The following CLSTN2 variants were observed in gnomAD, a reference collection of about 807,000 sequenced individuals.
The protein encoded by CLSTN2 is calsyntenin-2.
A neutral mutation model predicts 101.2 loss-of-function variants in CLSTN2; 48 were observed. That is an observed-to-expected ratio of 0.47 (90% CI 0.38 to 0.60). CLSTN2 has a LOEUF of 0.60. Among genes scored for constraint, CLSTN2 ranks in the 20% least tolerant of loss-of-function variants. The pLI is 0.00. For synonymous variants in CLSTN2, 481 were observed against 463.6 expected, an observed-to-expected ratio of 1.04 and a Z score of -0.48; for missense variants, 1,160 against 1,238.2, an observed-to-expected ratio of 0.94 and a Z score of 0.95.
intron 2 of CLSTN2, among the ~76,000 whole-genome samples, chr3:140,333,444 C>A (rs1290145828): frequency 6.6e-6 from 1 of 152,132 alleles, no homozygotes; most frequent in African/African-American, 2.4e-5. Flanking sequence ...TTCCATGGCT[C>A]TCCACTCTAG....
rs143110288 is a variant in CLSTN2, at chr3:140,408,332, G to A, written c.637+3566G>A. On this transcript the variant is annotated intron_variant, in intron 4 of 16. Transcript: ENST00000458420. ...CCACCCCATATAGCTAGGGAGATCA[G>A]CATGGCTGAGACATTTGGAGACATC... Among the ~76,000 whole-genome samples, 15 of 152,264 alleles carry A rather than the reference G, an allele frequency of 9.9e-5. No individual in the cohort carries two copies. The East Asian group carries it at 2.9e-3, about 29-fold the overall frequency.
intron 2 of CLSTN2, among the ~76,000 whole-genome samples, chr3:140,198,510 T>C (rs894550882): frequency 6.6e-6 from 1 of 152,180 alleles, no homozygotes; most frequent in African/African-American, 2.4e-5. Flanking sequence ...AATTCAGTTC[T>C]TTATTGTCCT....
At chr3:140,060,892 C>T (rs2008192914) in intron 1 of CLSTN2, among the ~76,000 whole-genome samples, 1 of 152,130 alleles carries the variant, frequency 6.6e-6, no homozygotes, top group Non-Finnish European at 1.5e-5. Context: ...AGATCTTGTG[C>T]CAAGCCAAGC....
At chr3:140,490,109 TATATATATACACACACACAC>T (rs1934321555) in intron 8 of CLSTN2, among the ~76,000 whole-genome samples, 1 of 7,488 alleles carries the variant, frequency 1.3e-4, no homozygotes, top group African/African-American at 7.0e-4. Context: ...TATATATATA[TATATATATACACACACACAC>T]ACACACACAC....
chr3:140,024,906 A>C (rs913417825), intron 1 of CLSTN2, among the ~76,000 whole-genome samples: 2 of 152,236 alleles, frequency 1.3e-5, no homozygotes, highest in Non-Finnish European at 2.9e-5. Context: ...CTTTTGTTAA[A>C]TGAATGTATA....
intron 8 of CLSTN2, among the ~76,000 whole-genome samples, chr3:140,488,684 C>T (rs921146375): frequency 7.5e-6 from 1 of 133,460 alleles, no homozygotes; most frequent in African/African-American, 2.9e-5. Context: ...TACTTCATAC[C>T]AGTCACTGGA....
intron 2 of CLSTN2, among the ~76,000 whole-genome samples, chr3:140,190,438 CAAAAAAA>C (rs35206840): frequency 0.025 from 2,087 of 82,972 alleles, 51 homozygotes; most frequent in African/African-American, 0.079. Flanking sequence ...TCTATAGCTA[CAAAAAAA>C]AAAAAAAAAA....
chr3:140,334,539 T>C (rs2087421927), intron 2 of CLSTN2, among the ~76,000 whole-genome samples: 1 of 152,194 alleles, frequency 6.6e-6, no homozygotes, highest in African/African-American at 2.4e-5. Context: ...GAGTCACAGA[T>C]GGAAGGACAG....
intron 2 of CLSTN2, among the ~76,000 whole-genome samples, chr3:140,315,650 G>C (rs1479556637): frequency 6.6e-6 from 1 of 152,186 alleles, no homozygotes; most frequent in Non-Finnish European, 1.5e-5. Flanking sequence ...AAGATTAAAA[G>C]GTTCAGGTGT....
intron 6 of CLSTN2, among the ~76,000 whole-genome samples, chr3:140,457,640 G>T (rs1933436895): frequency 6.6e-6 from 1 of 152,214 alleles, no homozygotes; most frequent in South Asian, 2.1e-4. Context: ...GCAGCAGGGG[G>T]TGAGAACAGG....
At chr3:140,169,595 A>G (rs2010182615) in intron 1 of CLSTN2, among the ~76,000 whole-genome samples, 1 of 152,142 alleles carries the variant, frequency 6.6e-6, no homozygotes, top group Non-Finnish European at 1.5e-5. Flanking sequence ...GATATTAGCT[A>G]TAGGTTTTTG....
At chr3:140,235,844 G>A (rs2086412021) in intron 2 of CLSTN2, among the ~76,000 whole-genome samples, 1 of 152,144 alleles carries the variant, frequency 6.6e-6, no homozygotes, top group African/African-American at 2.4e-5. Flanking sequence ...TTTGTGGGAA[G>A]GGAGAAAATG....
At chr3:140,479,951 CT>C (rs59974749) in intron 8 of CLSTN2, among the ~76,000 whole-genome samples, 13,192 of 149,322 alleles carry the variant, frequency 0.088, 733 homozygotes, top group Non-Finnish European at 0.13. Flanking sequence ...AAGATAAACT[CT>C]TTTTTTTTTA....
At chr3:140,547,934 A>T (rs1935630659) in intron 10 of CLSTN2, among the ~76,000 whole-genome samples, 1 of 152,202 alleles carries the variant, frequency 6.6e-6, no homozygotes, top group Non-Finnish European at 1.5e-5. Flanking sequence ...GTCCTTGGCC[A>T]TTTCCCCAGA....
chr3:140,061,191 T>C (rs551065122), intron 1 of CLSTN2, among the ~76,000 whole-genome samples: 1 of 152,342 alleles, frequency 6.6e-6, no homozygotes, highest in South Asian at 2.1e-4. Flanking sequence ...AATCAACTTC[T>C]ATTTTGCAAC....
chr3:140,380,052 T>C (rs913641593), intron 2 of CLSTN2, among the ~76,000 whole-genome samples: 1 of 151,962 alleles, frequency 6.6e-6, no homozygotes, highest in Non-Finnish European at 1.5e-5. Context: ...TCCAAAGACA[T>C]TGACTTTCTG....
intron 1 of CLSTN2, among the ~76,000 whole-genome samples, chr3:140,004,492 C>T (rs1482008255): frequency 6.6e-6 from 1 of 152,198 alleles, no homozygotes; most frequent in Non-Finnish European, 1.5e-5. Context: ...TTCACAGGAG[C>T]AGCAGGGAGG....
chr3:140,460,991 G>A (rs1298003851), intron 7 of CLSTN2: 5 of 152,046 alleles, frequency 3.3e-5, no homozygotes, highest in Admixed American at 3.3e-4. Flanking sequence ...AGGTAAAATG[G>A]GGAAAATAAA....
At chr3:140,229,431 A>T (rs543613171) in intron 2 of CLSTN2, among the ~76,000 whole-genome samples, 1 of 152,034 alleles carries the variant, frequency 6.6e-6, no homozygotes, top group South Asian at 2.1e-4. Flanking sequence ...GTGGGGTCTG[A>T]GACGCCACAT....
Sources: allele counts gnomAD v4.1 joint callset (sites outside exome capture counted in the v4.1 genomes callset), GRCh38; gene constraint gnomAD v4.1.1; transcripts MANE v1.5; gene names NCBI Gene and HGNC (gene_info 2026-07-23, HGNC 2026-07-21).